SYT14: variants seen among roughly 807,000 people sequenced by gnomAD.
SYT14 encodes the protein synaptotagmin-14.
In SYT14, 32 loss-of-function variants were observed where a neutral mutation model predicts 74.2. That is an observed-to-expected ratio of 0.43 (90% confidence interval 0.33 to 0.58). The LOEUF is 0.58. Ranked by LOEUF, SYT14 falls within the 20% of genes least tolerant of loss-of-function variation. The pLI is 0.05. For missense variants in SYT14, 791 were observed against 981.8 expected, an observed-to-expected ratio of 0.81 and a Z score of 2.60; for synonymous variants, 298 against 337.7, an observed-to-expected ratio of 0.88 and a Z score of 1.29.
chr1:209,985,614 A>G (rs907154814), intron 2 of SYT14, among the ~76,000 whole-genome samples: 3 of 152,232 alleles, frequency 2.0e-5, no homozygotes, highest in African/African-American at 4.8e-5. Context: ...GGAGTGTCCC[A>G]GTGGGGACTC....
rs139168790 is a variant in SYT14 at position 210,028,902 on chromosome 1, G to A, written c.1312+7648G>A. On this transcript the variant is annotated intron_variant, in intron 5 of 9. Coordinates refer to ENST00000637265, the Ensembl canonical transcript of SYT14. ...ACATTTCCTCCAGTAGTGTACAAGCGTTCCAATTTCTCTGCCTCCTAACCA... is the reference window on the plus strand; with the variant it reads ...ACATTTCCTCCAGTAGTGTACAAGCATTCCAATTTCTCTGCCTCCTAACCA... Among the ~76,000 whole-genome samples the A allele has an allele frequency of 1.6e-4, 25 of 152,206 alleles. 1 individual carries two copies. The highest frequency in any genetic ancestry group is 6.2e-4 in the South Asian group (3 of 4,830).
At chr1:209,996,002 C>T (rs542560660) in intron 2 of SYT14, among the ~76,000 whole-genome samples, 6 of 152,102 alleles carry the variant, frequency 3.9e-5, no homozygotes, top group African/African-American at 1.4e-4. Context: ...AGTTTATAGC[C>T]CTAAATGCCT....
At chr1:210,027,858 T>A (rs1288467916) in intron 5 of SYT14, among the ~76,000 whole-genome samples, 1 of 152,200 alleles carries the variant, frequency 6.6e-6, no homozygotes, top group Admixed American at 6.5e-5. Context: ...ATTTTATTTT[T>A]TACATCTACA....
At chr1:210,036,246 T>C (rs916970327) in intron 5 of SYT14, among the ~76,000 whole-genome samples, 2 of 152,086 alleles carry the variant, frequency 1.3e-5, no homozygotes, top group Admixed American at 6.6e-5. Context: ...TGTTGGTGTA[T>C]AGAAATGCTG....
chr1:210,075,913 T>C (rs952816608), intron 5 of SYT14, among the ~76,000 whole-genome samples: 2 of 152,218 alleles, frequency 1.3e-5, no homozygotes, highest in African/African-American at 2.4e-5. Context: ...AGTACCTGCA[T>C]GATGGGTGTA....
At chr1:210,132,538 A>G (rs1043544613) in intron 7 of SYT14, among the ~76,000 whole-genome samples, 3 of 151,016 alleles carry the variant, frequency 2.0e-5, no homozygotes, top group Non-Finnish European at 4.4e-5. Context: ...GTCCCTCTAT[A>G]AAGTCTAAGA....
intron 7 of SYT14, among the ~76,000 whole-genome samples, chr1:210,137,681 CTTTT>C (rs397717067): frequency 1.5e-5 from 2 of 135,412 alleles, no homozygotes; most frequent in African/African-American, 2.8e-5. Flanking sequence ...CTTCAAATTT[CTTTT>C]TTTTTTTTTT....
At chr1:209,950,569 A>G (rs2078896054) in intron 1 of SYT14, among the ~76,000 whole-genome samples, 1 of 152,186 alleles carries the variant, frequency 6.6e-6, no homozygotes. Flanking sequence ...TGCAAAGCCT[A>G]TCTTCCTGAT....
At chr1:210,076,243 C>T (rs993871886) in intron 5 of SYT14, among the ~76,000 whole-genome samples, 4 of 152,092 alleles carry the variant, frequency 2.6e-5, no homozygotes, top group African/African-American at 9.7e-5. Context: ...CCCAAAAAAG[C>T]TGAAATTTAA....
At chr1:209,941,334 A>G (rs1170786903) in intron 1 of SYT14, among the ~76,000 whole-genome samples, 1 of 152,236 alleles carries the variant, frequency 6.6e-6, no homozygotes, top group Non-Finnish European at 1.5e-5. Flanking sequence ...TATTAGGCAA[A>G]GTTACAATTT....
In SYT14 at chr1:210,057,144, C is replaced by T. The variant is rs1421141532; in HGVS notation, c.1312+35890C>T. Among the ~76,000 whole-genome samples the T allele has an allele frequency of 2.6e-5, 4 of 152,082 alleles. No individual in the cohort carries two copies. In the East Asian group the frequency reaches 5.8e-4, roughly 22 times the overall value. On this transcript the variant is annotated intron_variant, in intron 5 of 9. Transcript: ENST00000637265. ...ACAGGCATGAGCCACCACGCCCGAC[C>T]CCAGTTGATATTGATAATTGAAATC...
At chr1:209,956,935 C>G (rs1325723528) in intron 2 of SYT14, among the ~76,000 whole-genome samples, 1 of 151,910 alleles carries the variant, frequency 6.6e-6, no homozygotes, top group Non-Finnish European at 1.5e-5. Flanking sequence ...TCTTAGGACC[C>G]TACACCCTTT....
intron 5 of SYT14, among the ~76,000 whole-genome samples, chr1:210,063,371 C>T (rs2081240298): frequency 6.6e-6 from 1 of 151,574 alleles, no homozygotes; most frequent in African/African-American, 2.4e-5. Context: ...ATATTAAATT[C>T]CTTTTTGGAC....
intron 5 of SYT14, among the ~76,000 whole-genome samples, chr1:210,047,344 G>GT (rs967941862): frequency 7.2e-5 from 11 of 151,848 alleles, no homozygotes; most frequent in South Asian, 2.1e-4. Context: ...CTTAGGTATA[G>GT]TTTTTTTTCA....
At position 210,094,174 on chromosome 1, in the gene SYT14, G is replaced by A. The variant is rs2081926994; in HGVS notation, c.1313-148G>A. The A allele has an allele frequency of 2.9e-6, 3 of 1,035,726 alleles. No homozygotes were observed. In the South Asian group the frequency reaches 4.3e-5, roughly 15 times the overall value. The allele number at this position is 1,035,726 out of a possible 1,614,324, so 64.2% of individuals were successfully genotyped here. ...TCATTTTATTTGTGCCTCTGAACTA[G>A]GGAAAAAGAGAAGTCATTAGTAAAT... On this transcript the variant is annotated intron_variant, in intron 5 of 9. Transcript: ENST00000637265.
At chr1:210,070,898 T>C (rs1249169940) in intron 5 of SYT14, among the ~76,000 whole-genome samples, 1 of 143,654 alleles carries the variant, frequency 7.0e-6, no homozygotes, top group Non-Finnish European at 1.5e-5. Context: ...TCAACAAAGA[T>C]AGTTGGGTAT....
At chr1:210,052,665 C>CAGAAAAAAAAAAA (rs2081021079) in intron 5 of SYT14, among the ~76,000 whole-genome samples, 1 of 42,252 alleles carries the variant, frequency 2.4e-5, no homozygotes. Flanking sequence ...TACATCTCAC[C>CAGAAAAAAAAAAA]AAAAAAAAAA....
At chr1:210,021,742 A>T (rs1013989263) in intron 5 of SYT14, among the ~76,000 whole-genome samples, 2 of 152,182 alleles carry the variant, frequency 1.3e-5, no homozygotes, top group African/African-American at 4.8e-5. Context: ...GCAGAAGGGA[A>T]AACTGTCTGA....
chr1:210,036,526 A>T (rs1211948230), intron 5 of SYT14, among the ~76,000 whole-genome samples: 2 of 151,872 alleles, frequency 1.3e-5, no homozygotes, highest in East Asian at 3.9e-4. Flanking sequence ...TTAAGGGGGA[A>T]TGCTTTCTTT....
Sources: gnomAD v4.1 joint callset for allele counts (sites outside exome capture counted in the v4.1 genomes callset) on GRCh38, gnomAD v4.1.1 for gene constraint, MANE v1.5 for transcripts, NCBI Gene and HGNC (gene_info 2026-07-23, HGNC 2026-07-21) for gene names.